Variants in ARHGAP8 observed in about 807,000 individuals in gnomAD.
ARHGAP8 encodes the protein rho GTPase-activating protein 8.
Under a neutral mutation model 46.1 loss-of-function variants are expected in ARHGAP8, and 62 were observed. The observed-to-expected ratio is 1.34, with a 90% confidence interval of 1.10 to 1.66. The LOEUF (loss-of-function observed/expected upper bound fraction) is 1.66, where lower values mean the gene tolerates loss of function less well. Among genes scored for constraint, ARHGAP8 ranks in the 40% most tolerant of loss-of-function variants. The pLI, the probability that ARHGAP8 is intolerant of heterozygous loss-of-function variation, is 0.00. For synonymous variants in ARHGAP8, 375 were observed against 243.1 expected, an observed-to-expected ratio of 1.54 and a Z score of -5.05; for missense variants, 923 against 568.4, an observed-to-expected ratio of 1.62 and a Z score of -6.34.
chr22:44,859,929 G>C (rs574740297), intron 11 of ARHGAP8, 95 bp downstream of exon 11: 2 of 1,432,758 alleles, frequency 1.4e-6, no homozygotes, highest in Non-Finnish European at 9.4e-7. Flanking sequence ...CCCTGGGTCT[G>C]GGGTCATGCC....
At chr22:44,819,615 G>A (rs1382193419) in intron 5 of ARHGAP8, among the ~76,000 whole-genome samples, 3 of 152,212 alleles carry the variant, frequency 2.0e-5, no homozygotes, top group Non-Finnish European at 2.9e-5. Context: ...GGAGGTTGCA[G>A]TGAGCCAAGA....
intron 7 of ARHGAP8, among the ~76,000 whole-genome samples, chr22:44,826,046 G>T (rs932580116): frequency 1.1e-4 from 16 of 152,020 alleles, no homozygotes; most frequent in African/African-American, 3.6e-4. Context: ...CCTGCCCTCC[G>T]GGTACACAGA....
intron 5 of ARHGAP8, 46 bp downstream of exon 5, chr22:44,814,804 A>C (rs1165311717): frequency 1.9e-6 from 3 of 1,604,118 alleles, no homozygotes; most frequent in Non-Finnish European, 2.6e-6. Flanking sequence ...TGGAGGTTTC[A>C]CCCCTCAGGG....
At chr22:44,832,544 C>T (rs1287182199) in intron 7 of ARHGAP8, among the ~76,000 whole-genome samples, 1 of 152,090 alleles carries the variant, frequency 6.6e-6, no homozygotes, top group Non-Finnish European at 1.5e-5. Context: ...AATTTTTAAT[C>T]TATCTTTTTG....
intron 3 of ARHGAP8, among the ~76,000 whole-genome samples, chr22:44,805,850 C>T (rs1229287280): frequency 6.6e-6 from 1 of 152,188 alleles, no homozygotes; most frequent in Non-Finnish European, 1.5e-5. Flanking sequence ...GATGCATGCT[C>T]CTATTTTTGA....
At chr22:44,840,181 G>A (rs912682383) in intron 7 of ARHGAP8, among the ~76,000 whole-genome samples, 1 of 152,152 alleles carries the variant, frequency 6.6e-6, no homozygotes, top group African/African-American at 2.4e-5. Flanking sequence ...GTCAAATTCT[G>A]TTGATCCACA....
chr22:44,833,114 T>TTTTTTTTTG (rs1569169270), intron 7 of ARHGAP8, among the ~76,000 whole-genome samples: 1 of 146,226 alleles, frequency 6.8e-6, no homozygotes, highest in African/African-American at 2.5e-5. Flanking sequence ...TTTTTTTTTT[T>TTTTTTTTTG]GAGATAGAGT....
intron 1 of ARHGAP8, among the ~76,000 whole-genome samples, chr22:44,782,626 A>C (rs1015621219): frequency 6.6e-6 from 1 of 152,112 alleles, no homozygotes. Flanking sequence ...TCTTTCACTG[A>C]ATAGAGCGGT....
Position 44,856,252 on chromosome 22 carries a change from CCCTTTTTTTTTTTTTTTT to C in ARHGAP8, c.878-3478_878-3461del, listed in dbSNP as rs1344554705. On this transcript the variant is annotated intron_variant, in intron 10 of 11. Transcript: ENST00000356099. ...ATTACTGTCTGGCCAGCTATAAATTCCCTTTTTTTTTTTTTTTTTTTTTTTTTTTTTTTTTTTGAGACA... is the reference window on the plus strand; with the variant it reads ...ATTACTGTCTGGCCAGCTATAAATTCTTTTTTTTTTTTTTTTTTTGAGACA... Among the ~76,000 whole-genome samples, 4 of 123,624 alleles carry C rather than the reference CCCTTTTTTTTTTTTTTTT, an allele frequency of 3.2e-5. No homozygotes were observed. In the East Asian group the frequency reaches 9.1e-4, roughly 28 times the overall value. The allele number at this position is 123,624 out of a possible 152,430, so 81.1% of individuals were successfully genotyped here.
chr22:44,781,051 G>C (rs543687399), intron 1 of ARHGAP8, among the ~76,000 whole-genome samples: 1 of 152,290 alleles, frequency 6.6e-6, no homozygotes, highest in South Asian at 2.1e-4. Flanking sequence ...CAAGTGAGGG[G>C]CAGTGGCTGT....
Position 44,862,490 on chromosome 22 carries a change from C to A in ARHGAP8, c.1197C>A (p.Ser399Arg), listed in dbSNP as rs770616058. Residue 399 changes from serine (S) to arginine (R), a missense_variant, in exon 12 of 12, where the codon AGC (serine) becomes AGA (arginine). Transcript: ENST00000356099. Reference protein sequence around the residue: ...EHGLAPWEQGSRAAPLQEAVP... With the variant: ...EHGLAPWEQGRRAAPLQEAVP... ...GCCTGGCACCATGGGAACAGGGGAG[C>A]AGGGCAGCCCCTTTGCAGGAGGCTG... The A allele has an allele frequency of 1.9e-6, 3 of 1,613,676 alleles. No individual in the cohort carries two copies. The highest frequency in any genetic ancestry group is 1.3e-5 in the African/African-American group (1 of 74,948).
intron 2 of ARHGAP8, among the ~76,000 whole-genome samples, chr22:44,797,979 A>T (rs1928213942): frequency 1.6e-5 from 2 of 128,630 alleles, no homozygotes; most frequent in Admixed American, 7.7e-5. Flanking sequence ...GGCCAATAAG[A>T]TTTTTTTTTT....
chr22:44,860,991 TAAACTCTC>T (rs2070453258), intron 11 of ARHGAP8, among the ~76,000 whole-genome samples: 1 of 126,322 alleles, frequency 7.9e-6, no homozygotes, highest in African/African-American at 2.8e-5. Flanking sequence ...GGCCCAAAAC[TAAACTCTC>T]CTAATTCTCT....
chr22:44,804,541 T>C (rs1292463978), intron 3 of ARHGAP8, among the ~76,000 whole-genome samples: 1 of 152,188 alleles, frequency 6.6e-6, no homozygotes, highest in Non-Finnish European at 1.5e-5. Context: ...AACATTTATG[T>C]GCCCTTGTGA....
At chr22:44,781,885 A>G (rs1167317027) in intron 1 of ARHGAP8, among the ~76,000 whole-genome samples, 1 of 152,018 alleles carries the variant, frequency 6.6e-6, no homozygotes, top group Non-Finnish European at 1.5e-5. Context: ...CCCAGGCTGG[A>G]GTGCAGTGAT....
At chr22:44,830,016 C>T (rs1057322673) in intron 7 of ARHGAP8, among the ~76,000 whole-genome samples, 3 of 112,432 alleles carry the variant, frequency 2.7e-5, no homozygotes, top group African/African-American at 1.2e-4. Context: ...CTTTTTTTTC[C>T]TCTCTCTCTT....
intron 11 of ARHGAP8, among the ~76,000 whole-genome samples, 157 bp from the exon 12 acceptor site, chr22:44,862,118 G>T (rs910734915): frequency 1.3e-5 from 2 of 152,136 alleles, no homozygotes; most frequent in Non-Finnish European, 2.9e-5. Context: ...GCCCTGAGTG[G>T]GCAGGTGGCT....
chr22:44,862,779 G>A lies in ARHGAP8; in HGVS notation c.*184G>A. Reference sequence around the variant, plus strand: ...GGTTCCTGAGCTGTGGACCGGGATAGAATAATGCATTTGTTAGGATGGATG... The same window carrying A: ...GGTTCCTGAGCTGTGGACCGGGATAAAATAATGCATTTGTTAGGATGGATG... On this transcript the variant is annotated 3_prime_UTR_variant, in exon 12 of 12. Coordinates refer to ENST00000356099, the MANE Select transcript of ARHGAP8 (RefSeq NM_181335.3). 2.9e-6 allele frequency: 2 copies of A among 688,256 alleles called. No individual in the cohort carries two copies. The highest frequency in any genetic ancestry group is 3.9e-4 in the Middle Eastern group (1 of 2,558). 42.6% of individuals were successfully genotyped at this position (688,256 alleles called of 1,614,324 possible).
At position 44,814,672 on chromosome 22, in the gene ARHGAP8, G is replaced by T. The variant is rs1237524240; in HGVS notation, c.300G>T (p.Lys100Asn). ...LQSAYKEFDR[K>N]YKKNLKALYV... ...AGTCATCCCCCGTTTCCCTCCTCAG[G>T]TACAAGAAGAACTTGAAGGCCCTCT... Residue 100 changes from lysine to asparagine, a missense_variant and splice_region_variant, in exon 5 of 12, where the codon AAG becomes AAT. By Grantham distance (94) the Lys-to-Asn change is moderately conservative (BLOSUM62 0). Coordinates refer to ENST00000356099, the MANE Select transcript of ARHGAP8 (RefSeq NM_181335.3). 1.2e-6 allele frequency: 2 copies of T among 1,613,740 alleles called. No homozygotes were observed.
Sources: allele counts gnomAD v4.1 joint callset (sites outside exome capture counted in the v4.1 genomes callset), GRCh38; gene constraint gnomAD v4.1.1; transcripts MANE v1.5; gene names NCBI Gene and HGNC (gene_info 2026-07-23, HGNC 2026-07-21).